The following PPM1H variants were observed in gnomAD, a reference collection of about 807,000 sequenced individuals.
PPM1H encodes the protein protein phosphatase 1H.
Under a neutral mutation model 54.9 loss-of-function variants are expected in PPM1H, and 27 were observed. The observed-to-expected ratio is 0.49, with a 90% CI of 0.36 to 0.68. The LOEUF is 0.68. Ranked by LOEUF, PPM1H falls within the 30% of genes least tolerant of loss-of-function variation. The pLI is 0.00. For synonymous variants in PPM1H, 305 were observed against 270.8 expected, an observed-to-expected ratio of 1.13 and a Z score of -1.24; for missense variants, 596 against 667.8, an observed-to-expected ratio of 0.89 and a Z score of 1.19.
At chr12:62,798,356 A>T (rs1221906081) in intron 3 of PPM1H, among the ~76,000 whole-genome samples, 2 of 152,214 alleles carry the variant, frequency 1.3e-5, no homozygotes, top group Non-Finnish European at 2.9e-5. Flanking sequence ...ACCTGTGGAG[A>T]TATTCAACCA....
chr12:62,831,981 C>A, intron 2 of PPM1H, 133 bp downstream of exon 2: 1 of 1,063,416 alleles, frequency 9.4e-7, no homozygotes, highest in Non-Finnish European at 1.4e-6. Flanking sequence ...ATAGGCCCGC[C>A]ACCCCACTAA....
intron 2 of PPM1H, among the ~76,000 whole-genome samples, chr12:62,817,355 A>G (rs7305833): frequency 0.034 from 5,170 of 151,288 alleles, 289 homozygotes; most frequent in African/African-American, 0.12. Flanking sequence ...CCAGCTACCC[A>G]GGAGGCTGAG....
At chr12:62,808,441 A>C (rs679811) in intron 2 of PPM1H, among the ~76,000 whole-genome samples, 5 of 151,942 alleles carry the variant, frequency 3.3e-5, no homozygotes, top group African/African-American at 9.7e-5. Context: ...TTTCTACTCT[A>C]TAATCTGAGT....
At chr12:62,650,928 A>G (rs2136593381) in intron 9 of PPM1H, among the ~76,000 whole-genome samples, 1 of 152,078 alleles carries the variant, frequency 6.6e-6, no homozygotes, top group Admixed American at 6.5e-5. Context: ...ACCCCAGCTT[A>G]CTCTTAGTTT....
Position 62,844,746 on chromosome 12 carries a change from T to C in PPM1H, c.246-12467A>G, listed in dbSNP as rs1329046411. Among the ~76,000 whole-genome samples, 3 of 152,208 alleles carry C rather than the reference T, an allele frequency of 2.0e-5. No individual in the cohort carries two copies. Among genetic ancestry groups the C allele is most frequent in the Non-Finnish European group, 4.4e-5 (3 of 68,036 alleles). On this transcript the variant is annotated intron_variant, in intron 1 of 9. Transcript: ENST00000228705. This position sits in a 1 kb window ranked among gnomAD's most constrained non-coding sequence, Gnocchi z 5.2. ...GGAGTAGGTACTCGATAAATGTTAATTGAATGAATAAACAAATGAACTCAT... is the reference window on the plus strand; with the variant it reads ...GGAGTAGGTACTCGATAAATGTTAACTGAATGAATAAACAAATGAACTCAT...
At chr12:62,894,158 C>T (rs1157033535) in intron 1 of PPM1H, among the ~76,000 whole-genome samples, 2 of 152,170 alleles carry the variant, frequency 1.3e-5, no homozygotes, top group East Asian at 3.9e-4. Context: ...ACTGCAGGCT[C>T]ATGATCAAAT....
intron 4 of PPM1H, among the ~76,000 whole-genome samples, chr12:62,749,613 A>G (rs2076430284): frequency 6.6e-6 from 1 of 152,220 alleles, no homozygotes; most frequent in Non-Finnish European, 1.5e-5. Flanking sequence ...AGCTGAAAGG[A>G]AAAAAGTAAG....
At chr12:62,708,634 C>G (rs1296199541) in intron 6 of PPM1H, among the ~76,000 whole-genome samples, 1 of 152,158 alleles carries the variant, frequency 6.6e-6, no homozygotes, top group Non-Finnish European at 1.5e-5. Flanking sequence ...GAAATGGGAT[C>G]CTAAAAATAG....
intron 1 of PPM1H, among the ~76,000 whole-genome samples, chr12:62,855,253 AT>A (rs1429922987): frequency 6.6e-6 from 1 of 152,096 alleles, no homozygotes; most frequent in African/African-American, 2.4e-5. Context: ...CTTAAAGCTA[AT>A]TTGCTCTTCA....
chr12:62,802,977 C>T (rs556538102), intron 2 of PPM1H, among the ~76,000 whole-genome samples: 61 of 149,796 alleles, frequency 4.1e-4, no homozygotes, highest in African/African-American at 8.7e-4. Flanking sequence ...GGTTTTCCAA[C>T]GGGAAATAAG....
At chr12:62,672,201 C>G (rs897078261) in intron 8 of PPM1H, among the ~76,000 whole-genome samples, 8 of 152,202 alleles carry the variant, frequency 5.3e-5, no homozygotes, top group African/African-American at 1.9e-4. Flanking sequence ...AAGGCTGATC[C>G]TGTCTCAGCA....
chr12:62,677,012 T>A (rs1285280173), intron 8 of PPM1H, among the ~76,000 whole-genome samples: 1 of 152,142 alleles, frequency 6.6e-6, no homozygotes. Context: ...CAGCTTGCAC[T>A]TCCTCCCTTC....
At chr12:62,887,478 G>T (rs1555203819) in intron 1 of PPM1H, among the ~76,000 whole-genome samples, 1 of 152,122 alleles carries the variant, frequency 6.6e-6, no homozygotes, top group Non-Finnish European at 1.5e-5. Flanking sequence ...TAATGTACCA[G>T]GCATGATGCT....
chr12:62,775,518 CAT>C (rs2076605012), intron 4 of PPM1H, among the ~76,000 whole-genome samples: 1 of 152,228 alleles, frequency 6.6e-6, no homozygotes, highest in African/African-American at 2.4e-5. Flanking sequence ...TAAGGCCTTA[CAT>C]AGATCCAACT....
chr12:62,895,479 C>T (rs919918273), intron 1 of PPM1H, among the ~76,000 whole-genome samples: 1 of 152,142 alleles, frequency 6.6e-6, no homozygotes, highest in African/African-American at 2.4e-5. Context: ...GCACCTGGGA[C>T]TCATTAGAAA....
chr12:62,895,019 T>C (rs1870933465), intron 1 of PPM1H, among the ~76,000 whole-genome samples: 1 of 152,270 alleles, frequency 6.6e-6, no homozygotes, highest in African/African-American at 2.4e-5. Flanking sequence ...TTTATTCTAG[T>C]TATTCATCTC....
At chr12:62,795,872 A>G (rs1161005829) in intron 3 of PPM1H, among the ~76,000 whole-genome samples, 1 of 152,084 alleles carries the variant, frequency 6.6e-6, no homozygotes. Flanking sequence ...GATTGCAGGC[A>G]TGTACCACCA....
chr12:62,862,235 G>T (rs1442910570), intron 1 of PPM1H, among the ~76,000 whole-genome samples: 1 of 152,164 alleles, frequency 6.6e-6, no homozygotes, highest in African/African-American at 2.4e-5. Context: ...TCGGGGGTTA[G>T]GATATAAGAT....
At chr12:62,700,665 T>C (rs2076139168) in intron 6 of PPM1H, among the ~76,000 whole-genome samples, 2 of 152,168 alleles carry the variant, frequency 1.3e-5, no homozygotes, top group Admixed American at 6.6e-5. Flanking sequence ...TGTGCAATGA[T>C]CTAGGCAAGA....
Sources: gnomAD v4.1 joint callset for allele counts (sites outside exome capture counted in the v4.1 genomes callset) on GRCh38, gnomAD v4.1.1 for gene constraint, Gnocchi (gnomAD v3.1) non-coding constraint, MANE v1.5 for transcripts, NCBI Gene and HGNC (gene_info 2026-07-23, HGNC 2026-07-21) for gene names.